MROH9: variants seen among roughly 807,000 people sequenced by gnomAD.
The protein encoded by MROH9 is maestro heat-like repeat-containing protein family member 9.
In MROH9, 92 loss-of-function variants were observed where a neutral mutation model predicts 98.2. That is an observed-to-expected ratio of 0.94 (90% CI 0.79 to 1.11). MROH9 has a LOEUF of 1.11. Among genes scored for constraint, MROH9 ranks in the 50% most tolerant of loss-of-function variants. The probability of loss-of-function intolerance (pLI) is 0.00; values close to 1 mark genes in which losing one functional copy is unlikely to be tolerated. For missense variants in MROH9, 1,057 were observed against 1,014.8 expected (o/e 1.04, Z -0.57); for synonymous variants, 397 against 368.9 (o/e 1.08, Z -0.87).
chr1:171,000,116 TCTCC>T (rs1160219211), intron 15 of MROH9, among the ~76,000 whole-genome samples: 1 of 152,176 alleles, frequency 6.6e-6, no homozygotes, highest in Non-Finnish European at 1.5e-5. Context: ...GTGAAGATTT[TCTCC>T]CACTCTGTGG....
At chr1:170,960,323 A>G (rs1571451967) in intron 5 of MROH9, among the ~76,000 whole-genome samples, 1 of 152,334 alleles carries the variant, frequency 6.6e-6, no homozygotes, top group East Asian at 1.9e-4. Context: ...ACCCAGAGAT[A>G]CTTTTACTTT....
intron 3 of MROH9, among the ~76,000 whole-genome samples, chr1:170,953,439 G>A (rs1232065365): frequency 6.6e-6 from 1 of 151,696 alleles, no homozygotes; most frequent in South Asian, 2.1e-4. Flanking sequence ...ACCAAAAATG[G>A]CTGTTTTCTT....
intron 6 of MROH9, among the ~76,000 whole-genome samples, chr1:170,964,013 C>G (rs528001568): frequency 1.3e-5 from 2 of 152,132 alleles, no homozygotes; most frequent in South Asian, 4.1e-4. Flanking sequence ...CCTTCCCTGC[C>G]CATGCATGCT....
At chr1:170,940,275 G>A (rs752098691) in intron 1 of MROH9, among the ~76,000 whole-genome samples, 1 of 152,190 alleles carries the variant, frequency 6.6e-6, no homozygotes, top group Non-Finnish European at 1.5e-5. Flanking sequence ...CTGAATTTTT[G>A]TCAGATTTAT....
rs757424982 is a variant in MROH9 at position 170,986,565 on chromosome 1, T to C, written c.734T>C (p.Val245Ala). 6.2e-7 allele frequency: 1 copy of C among 1,613,010 alleles called. No homozygotes were observed. Among genetic ancestry groups the C allele is most frequent in the Non-Finnish European group, 8.5e-7 (1 of 1,179,522 alleles). The change falls in exon 10 of 22, where the codon GTA becomes GCA. Residue 245 changes from valine (V) to alanine (A), a missense_variant. Physicochemically the swap from Val to Ala is moderately conservative, Grantham distance 64. Coordinates refer to ENST00000367759, the MANE Select transcript of MROH9 (RefSeq NM_001163629.2). ...GATTATCCTTTGTGGTTGCAGAGAGTAGGGCAAACCTTACTGCCTCCCTTG... is the reference window on the plus strand; with the variant it reads ...GATTATCCTTTGTGGTTGCAGAGAGCAGGGCAAACCTTACTGCCTCCCTTG... Reference protein sequence around the residue: ...QQDESKIAQRVGQTLLPPLLT... With the variant: ...QQDESKIAQRAGQTLLPPLLT...
chr1:170,982,942 T>C (rs549227334), intron 8 of MROH9, among the ~76,000 whole-genome samples: 2 of 152,294 alleles, frequency 1.3e-5, no homozygotes, highest in South Asian at 4.1e-4. Flanking sequence ...ATGTCAATTA[T>C]ATCTCTATAG....
chr1:171,010,363 C>A (rs1446688938), intron 15 of MROH9, among the ~76,000 whole-genome samples: 1 of 152,052 alleles, frequency 6.6e-6, no homozygotes, highest in East Asian at 1.9e-4. Context: ...TGGTTCCAAG[C>A]CTTTGCTATT....
chr1:171,051,648 T>G (rs1653668525), intron 20 of MROH9, among the ~76,000 whole-genome samples: 1 of 152,128 alleles, frequency 6.6e-6, no homozygotes, highest in Non-Finnish European at 1.5e-5. Context: ...GGCTTAACAC[T>G]TAGGTGATGG....
chr1:171,054,866 T>G (rs927229599), intron 20 of MROH9, among the ~76,000 whole-genome samples: 1 of 152,122 alleles, frequency 6.6e-6, no homozygotes, highest in African/African-American at 2.4e-5. Context: ...GATGTTGGTG[T>G]GGATGTGGTG....
At chr1:170,974,167 C>A (rs1166783773) in intron 8 of MROH9, among the ~76,000 whole-genome samples, 1 of 152,110 alleles carries the variant, frequency 6.6e-6, no homozygotes, top group African/African-American at 2.4e-5. Context: ...AGCTATCAGG[C>A]ATGTCTAATA....
At chr1:170,991,854 T>C (rs1414786124) in intron 11 of MROH9, among the ~76,000 whole-genome samples, 4 of 152,160 alleles carry the variant, frequency 2.6e-5, no homozygotes, top group Non-Finnish European at 4.4e-5. Flanking sequence ...AGAGGAAGTA[T>C]AGATTGCAGA....
At chr1:171,062,050 C>A in intron 20 of MROH9, 82 bp from the exon 21 acceptor site, 1 of 868,806 alleles carries the variant, frequency 1.2e-6, no homozygotes, top group South Asian at 1.6e-5. Flanking sequence ...TTGAAAAAAG[C>A]AAAGAAGGTA....
At chr1:171,042,572 C>G (rs192481779) in intron 20 of MROH9, among the ~76,000 whole-genome samples, 2 of 152,210 alleles carry the variant, frequency 1.3e-5, no homozygotes, top group African/African-American at 4.8e-5. Flanking sequence ...AAACTCTTCT[C>G]CATAGCAGCT....
intron 15 of MROH9, among the ~76,000 whole-genome samples, chr1:171,000,998 C>G (rs1557892989): frequency 6.6e-6 from 1 of 151,970 alleles, no homozygotes; most frequent in Non-Finnish European, 1.5e-5. Flanking sequence ...ATTCATCCAT[C>G]TTTTCTACAT....
chr1:170,946,230 G>T (rs1649326636), intron 2 of MROH9, among the ~76,000 whole-genome samples: 1 of 151,706 alleles, frequency 6.6e-6, no homozygotes, highest in Non-Finnish European at 1.5e-5. Context: ...AGACAGGCAG[G>T]CATTCACTCT....
intron 15 of MROH9, chr1:170,998,477 C>A: frequency 6.6e-7 from 1 of 1,511,146 alleles, no homozygotes; most frequent in African/African-American, 1.4e-5. Context: ...CAGCTTTCCC[C>A]AGCAGTTGGT....
intron 5 of MROH9, among the ~76,000 whole-genome samples, chr1:170,961,344 A>G (rs1650010775): frequency 6.6e-6 from 1 of 152,218 alleles, no homozygotes; most frequent in Non-Finnish European, 1.5e-5. Flanking sequence ...CCATTAGAAT[A>G]GGAAATAAAA....
chr1:170,973,439 C>T (rs1040716918), intron 8 of MROH9, among the ~76,000 whole-genome samples: 1 of 151,972 alleles, frequency 6.6e-6, no homozygotes, highest in Non-Finnish European at 1.5e-5. Flanking sequence ...TTAAAAAGGC[C>T]TTAAAACAAG....
Position 171,007,315 on chromosome 1 carries a change from C to G in MROH9, c.1597-6802C>G, listed in dbSNP as rs562072360. ...AGGACCTTGGTCAGTAGTGTTGTCTCTGGAATGAGGGTCCACTACAGAATC... is the reference window on the plus strand; with the variant it reads ...AGGACCTTGGTCAGTAGTGTTGTCTGTGGAATGAGGGTCCACTACAGAATC... On this transcript the variant is annotated intron_variant, in intron 15 of 21. Transcript: ENST00000367759. Among the ~76,000 whole-genome samples the G allele has an allele frequency of 9.9e-5, 15 of 152,282 alleles. No homozygotes were observed. In the South Asian group the frequency reaches 3.1e-3, roughly 32 times the overall value.
Sources: allele counts gnomAD v4.1 joint callset (sites outside exome capture counted in the v4.1 genomes callset), GRCh38; gene constraint gnomAD v4.1.1; transcripts MANE v1.5; gene names NCBI Gene and HGNC (gene_info 2026-07-23, HGNC 2026-07-21).